Variants in TBCA observed in about 807,000 individuals in gnomAD.
The protein encoded by TBCA is tubulin folding cofactor A, also known as tubulin-specific chaperone A.
Under a neutral mutation model 15.8 loss-of-function variants are expected in TBCA, and 6 were observed. The observed-to-expected ratio is 0.38, with a 90% CI of 0.21 to 0.75. The LOEUF is 0.75. TBCA is among the 30% of genes least tolerant of loss of function. The pLI is 0.46. For missense variants in TBCA, 90 were observed against 131.2 expected (o/e 0.69, Z 1.53); for synonymous variants, 32 against 42.3 (o/e 0.76, Z 0.94).
At chr5:77,741,493 T>C (rs868338642) in intron 1 of TBCA, among the ~76,000 whole-genome samples, 8 of 152,034 alleles carry the variant, frequency 5.3e-5, no homozygotes, top group Admixed American at 2.6e-4. Flanking sequence ...GTGGGGCACA[T>C]ACAAAGAGCA....
chr5:77,705,561 C>T (rs1004989561), intron 2 of TBCA: 8 of 398,474 alleles, frequency 2.0e-5, no homozygotes, highest in African/African-American at 1.6e-4. Context: ...GTAGGGGGGA[C>T]TCACGCTTAT....
intron 2 of TBCA, among the ~76,000 whole-genome samples, chr5:77,700,542 T>A (rs974207686): frequency 2.0e-5 from 3 of 152,174 alleles, no homozygotes; most frequent in Non-Finnish European, 2.9e-5. Context: ...GATGGCTAAA[T>A]GCTAAAATTA....
At chr5:77,730,848 A>T (rs1179977278) in intron 1 of TBCA, among the ~76,000 whole-genome samples, 1 of 152,192 alleles carries the variant, frequency 6.6e-6, no homozygotes, top group East Asian at 1.9e-4. Flanking sequence ...TAGGTTATAG[A>T]ATAGGTTATA....
At chr5:77,707,027 G>A (rs1746166189) in intron 2 of TBCA, among the ~76,000 whole-genome samples, 1 of 152,050 alleles carries the variant, frequency 6.6e-6, no homozygotes, top group Non-Finnish European at 1.5e-5. Flanking sequence ...GGAGTAGTGT[G>A]AAATCAAGAT....
intron 1 of TBCA, among the ~76,000 whole-genome samples, chr5:77,710,572 G>A (rs240808): frequency 0.38 from 57,892 of 151,972 alleles, 11,054 homozygotes; most frequent in South Asian, 0.41. Context: ...TTAAAAAGCT[G>A]GGAGATTTGA....
intron 1 of TBCA, among the ~76,000 whole-genome samples, chr5:77,712,179 C>G (rs1483870711): frequency 6.6e-6 from 1 of 152,142 alleles, no homozygotes; most frequent in East Asian, 1.9e-4. Context: ...TAAATATCAT[C>G]AAATTGCTTT....
At chr5:77,715,739 A>G (rs1156229089) in intron 1 of TBCA, among the ~76,000 whole-genome samples, 1 of 152,228 alleles carries the variant, frequency 6.6e-6, no homozygotes, top group Admixed American at 6.5e-5. Context: ...TTAGTTTAAG[A>G]AAAAACATGC....
chr5:77,735,765 GCTTA>G lies in TBCA; in HGVS notation c.54-27422_54-27419del, dbSNP rs552470688. Among the ~76,000 whole-genome samples, 362 of 152,230 alleles carry G rather than the reference GCTTA, an allele frequency of 2.4e-3. 2 individuals carry two copies. The highest frequency in any genetic ancestry group is 3.9e-3 in the Non-Finnish European group (262 of 68,018). ...TAATTTGTCCTTCATTCACTCATAT[GCTTA>G]CTGTTTATTCTTTCATACATGCTTT... On this transcript the variant is annotated intron_variant, in intron 1 of 3. Transcript: ENST00000380377.
At chr5:77,765,778 C>T (rs1305433426) in intron 1 of TBCA, among the ~76,000 whole-genome samples, 10 of 151,192 alleles carry the variant, frequency 6.6e-5, no homozygotes, top group Admixed American at 6.6e-4. Context: ...TGGGTCTACT[C>T]TTTGAGAAGT....
chr5:77,720,650 G>A (rs1210243384), intron 1 of TBCA, among the ~76,000 whole-genome samples: 1 of 152,102 alleles, frequency 6.6e-6, no homozygotes, highest in Non-Finnish European at 1.5e-5. Context: ...AGAGGCTGAG[G>A]TTGCAGTGAG....
chr5:77,733,055 G>C (rs975893818), intron 1 of TBCA, among the ~76,000 whole-genome samples: 1 of 152,202 alleles, frequency 6.6e-6, no homozygotes, highest in African/African-American at 2.4e-5. Context: ...GCTGAGGCGG[G>C]TGGATTGCTG....
chr5:77,715,341 G>A (rs370703386), intron 1 of TBCA: 2 of 699,970 alleles, frequency 2.9e-6, no homozygotes, highest in Non-Finnish European at 2.6e-6. Flanking sequence ...ACATCCCAAG[G>A]TTAACACTGT....
intron 1 of TBCA, among the ~76,000 whole-genome samples, chr5:77,738,162 A>G (rs1746952120): frequency 6.6e-6 from 1 of 152,186 alleles, no homozygotes. Context: ...CTCACATTTA[A>G]TGGGGCTTTT....
intron 1 of TBCA, chr5:77,715,296 G>T: frequency 1.4e-6 from 1 of 702,302 alleles, no homozygotes; most frequent in Non-Finnish European, 2.6e-6. Context: ...AAACCAGGAA[G>T]TCCTTGTCAA....
At position 77,705,266 on chromosome 5, in the gene TBCA, T is replaced by C. The variant is rs1357814949; in HGVS notation, c.159+2976A>G. 2.0e-5 allele frequency among the ~76,000 whole-genome samples: 3 copies of C among 148,912 alleles called. No individual in the cohort carries two copies. In the East Asian group the frequency reaches 5.8e-4, roughly 29 times the overall value. On this transcript the variant is annotated intron_variant, in intron 2 of 3. Coordinates refer to ENST00000380377, the MANE Select transcript of TBCA (RefSeq NM_004607.3). ...TTTTAGCTATAGGACTATTTTAAAA[T>C]ACATTATTGATGGTGAAAAAAAGCA...
intron 1 of TBCA, among the ~76,000 whole-genome samples, chr5:77,750,955 TAGAA>T (rs1747313003): frequency 6.6e-6 from 1 of 152,126 alleles, no homozygotes; most frequent in South Asian, 2.1e-4. Context: ...TTATTATCAG[TAGAA>T]AGGAGTGTCT....
At chr5:77,701,513 A>G (rs1746012852) in intron 2 of TBCA, among the ~76,000 whole-genome samples, 1 of 151,686 alleles carries the variant, frequency 6.6e-6, no homozygotes. Context: ...AACTAAAAGT[A>G]GGACTACCAT....
chr5:77,709,091 T>C (rs1236733224), intron 1 of TBCA, among the ~76,000 whole-genome samples: 1 of 151,876 alleles, frequency 6.6e-6, no homozygotes, highest in African/African-American at 2.4e-5. Flanking sequence ...GTAGATTGCA[T>C]GTCAAATCCA....
intron 1 of TBCA, among the ~76,000 whole-genome samples, chr5:77,737,325 T>C (rs1406485779): frequency 6.6e-6 from 1 of 152,234 alleles, no homozygotes; most frequent in Non-Finnish European, 1.5e-5. Flanking sequence ...GGCTTGCCTC[T>C]CTCTAGTGAT....
Sources: gnomAD v4.1 joint callset for allele counts (sites outside exome capture counted in the v4.1 genomes callset) on GRCh38, gnomAD v4.1.1 for gene constraint, MANE v1.5 for transcripts, NCBI Gene and HGNC (gene_info 2026-07-23, HGNC 2026-07-21) for gene names.